Variants in TAFA2 observed in about 807,000 individuals in gnomAD.
TAFA2 encodes the protein TAFA chemokine like family member 2, also known as chemokine-like protein TAFA-2.
In TAFA2, 7 loss-of-function variants were observed where a neutral mutation model predicts 18.8. The observed-to-expected ratio is 0.37, with a 90% CI of 0.21 to 0.70. The LOEUF (loss-of-function observed/expected upper bound fraction) is 0.70. Among genes scored for constraint, TAFA2 ranks in the 30% least tolerant of loss-of-function variants. The probability of loss-of-function intolerance (pLI) is 0.53; values close to 1 mark genes in which losing one functional copy is unlikely to be tolerated. For missense variants in TAFA2, 122 were observed against 158.1 expected, an observed-to-expected ratio of 0.77 and a Z score of 1.23; for synonymous variants, 60 against 54.2, an observed-to-expected ratio of 1.11 and a Z score of -0.47.
intron 2 of TAFA2, among the ~76,000 whole-genome samples, chr12:61,787,759 A>G (rs1870798483): frequency 6.6e-6 from 1 of 151,628 alleles, no homozygotes; most frequent in Admixed American, 6.6e-5. Flanking sequence ...TCACCAAACC[A>G]CAAAGGCAAA....
intron 1 of TAFA2, among the ~76,000 whole-genome samples, chr12:62,131,411 A>G (rs529744301): frequency 5.3e-5 from 8 of 152,156 alleles, no homozygotes; most frequent in Non-Finnish European, 1.0e-4. Flanking sequence ...TGTATAATCA[A>G]TTATTTTGTT....
rs189546480 is a variant in TAFA2 at position 62,046,215 on chromosome 12, C to T, written c.-2+145044G>A. On this transcript the variant is annotated intron_variant, in intron 1 of 4. Transcript: ENST00000416284. ...TTGACCCCAAAATTCAACCTGCTCCCGTGTTTGGTGTGTATCAGAGCTAGA... is the reference window on the plus strand; with the variant it reads ...TTGACCCCAAAATTCAACCTGCTCCTGTGTTTGGTGTGTATCAGAGCTAGA... Among the ~76,000 whole-genome samples the T allele has an allele frequency of 9.9e-5, 15 of 152,148 alleles. No homozygotes were observed. The East Asian group carries it at 2.1e-3, about 22-fold the overall frequency.
intron 1 of TAFA2, among the ~76,000 whole-genome samples, chr12:61,934,260 G>A (rs531566746): frequency 3.9e-5 from 6 of 152,264 alleles, no homozygotes. Context: ...AGTGGCCTAA[G>A]GTAATACTTA....
intron 4 of TAFA2, among the ~76,000 whole-genome samples, chr12:61,748,990 G>T (rs1868870667): frequency 6.6e-6 from 1 of 151,988 alleles, no homozygotes; most frequent in African/African-American, 2.4e-5. Context: ...ATGTGGTTGG[G>T]TGTGGTCGCT....
intron 1 of TAFA2, among the ~76,000 whole-genome samples, chr12:61,921,977 C>T (rs1371861709): frequency 2.0e-5 from 3 of 152,092 alleles, no homozygotes; most frequent in Non-Finnish European, 4.4e-5. Flanking sequence ...ATTTCAAATG[C>T]TGTTAATAGA....
At chr12:61,986,726 G>A (rs79393890) in intron 1 of TAFA2, among the ~76,000 whole-genome samples, 2,973 of 151,598 alleles carry the variant, frequency 0.02, 117 homozygotes, top group African/African-American at 0.068. Context: ...GATTAATTGC[G>A]TCAAGTTGCA....
At chr12:61,749,020 C>T (rs1371737089) in intron 4 of TAFA2, among the ~76,000 whole-genome samples, 1 of 151,594 alleles carries the variant, frequency 6.6e-6, no homozygotes, top group Non-Finnish European at 1.5e-5. Flanking sequence ...AATCTCAGCA[C>T]TTTGGGAGTC....
At chr12:62,025,996 A>G (rs1447482666) in intron 1 of TAFA2, among the ~76,000 whole-genome samples, 1 of 152,130 alleles carries the variant, frequency 6.6e-6, no homozygotes, top group Non-Finnish European at 1.5e-5. Context: ...CATTTTTTAT[A>G]CCATATATAT....
At chr12:61,724,487 C>T (rs769557358) in intron 4 of TAFA2, among the ~76,000 whole-genome samples, 3 of 151,824 alleles carry the variant, frequency 2.0e-5, no homozygotes, top group Non-Finnish European at 2.9e-5. Flanking sequence ...CACTCATCCC[C>T]TGAAGAGTGT....
intron 1 of TAFA2, among the ~76,000 whole-genome samples, chr12:62,250,290 A>G (rs554874861): frequency 1.3e-5 from 2 of 152,318 alleles, no homozygotes; most frequent in Non-Finnish European, 2.9e-5. Context: ...ATAACTGATG[A>G]TAAGTTTTCT....
At chr12:61,822,355 TA>T (rs1872356297) in intron 2 of TAFA2, among the ~76,000 whole-genome samples, 1 of 152,150 alleles carries the variant, frequency 6.6e-6, no homozygotes, top group Non-Finnish European at 1.5e-5. Flanking sequence ...TTAAATAGCA[TA>T]AAATTTGGAG....
intron 1 of TAFA2, among the ~76,000 whole-genome samples, chr12:61,905,887 G>T (rs747917619): frequency 2.0e-5 from 3 of 152,050 alleles, no homozygotes; most frequent in Non-Finnish European, 4.4e-5. Context: ...TCACACACAG[G>T]CCCCAGAGCT....
In TAFA2 at chr12:62,192,249, A is replaced by G. The variant is rs370140423; in HGVS notation, c.-992T>C. On this transcript the variant is annotated 5_prime_UTR_variant, in exon 1 of 5. An upstream start codon of the reference 5' UTR is lost. Coordinates refer to ENST00000416284, the MANE Select transcript of TAFA2 (RefSeq NM_178539.5). ...CAGCCCACCCGCTGCCCTTCTAGGC[A>G]TCGTGGGCTGGAAGGAAGGGAAACC... 2.6e-5 allele frequency: 4 copies of G among 152,198 alleles called. No homozygotes were observed. Among genetic ancestry groups the G allele is most frequent in the Non-Finnish European group, 5.9e-5 (4 of 68,102 alleles). 9.4% of individuals were successfully genotyped at this position (152,198 alleles called of 1,614,324 possible).
chr12:61,904,574 A>C (rs531620266), intron 1 of TAFA2, among the ~76,000 whole-genome samples: 13 of 152,266 alleles, frequency 8.5e-5, no homozygotes, highest in Admixed American at 3.3e-4. Flanking sequence ...ATAAAATGGG[A>C]ATAATACTAC....
At chr12:62,184,682 G>A (rs562870177) in intron 1 of TAFA2, among the ~76,000 whole-genome samples, 2 of 149,136 alleles carry the variant, frequency 1.3e-5, no homozygotes, top group African/African-American at 4.9e-5. Flanking sequence ...TTTTACTTTT[G>A]TAAAGGCAGG....
At chr12:61,842,090 T>A (rs914571317) in intron 2 of TAFA2, among the ~76,000 whole-genome samples, 1 of 150,534 alleles carries the variant, frequency 6.6e-6, no homozygotes, top group Non-Finnish European at 1.5e-5. Context: ...CATAAGGACA[T>A]TTTTTTTTCG....
chr12:61,797,356 A>T (rs1341066220), intron 2 of TAFA2, among the ~76,000 whole-genome samples: 1 of 152,136 alleles, frequency 6.6e-6, no homozygotes, highest in Admixed American at 6.6e-5. Flanking sequence ...TGGAGAAAAA[A>T]AATCCAGAAA....
At chr12:62,021,841 C>T in intron 1 of TAFA2, 1 of 803,484 alleles carries the variant, frequency 1.2e-6, no homozygotes, top group Non-Finnish European at 2.3e-6. Context: ...AGGCCATCCA[C>T]AAAACTTCAT....
chr12:61,921,480 G>A (rs1213292378), intron 1 of TAFA2, among the ~76,000 whole-genome samples: 3 of 152,308 alleles, frequency 2.0e-5, no homozygotes, highest in South Asian at 2.1e-4. Flanking sequence ...AATTGCCCCT[G>A]TGTGAAATGG....
Sources: gnomAD v4.1 joint callset for allele counts (sites outside exome capture counted in the v4.1 genomes callset) on GRCh38, gnomAD v4.1.1 for gene constraint, MANE v1.5 for transcripts, NCBI Gene and HGNC (gene_info 2026-07-23, HGNC 2026-07-21) for gene names.